KCNMA1: variants seen among roughly 807,000 people sequenced by gnomAD.
KCNMA1 encodes the protein Calcium-activated potassium channel subunit alpha-1.
In KCNMA1, 29 loss-of-function variants were observed where a neutral mutation model predicts 140.0. The observed-to-expected ratio is 0.21, with a 90% CI of 0.15 to 0.28. The LOEUF is 0.28. Ranked by LOEUF, KCNMA1 falls within the 10% of genes least tolerant of loss-of-function variation. The pLI, the probability that KCNMA1 is intolerant of heterozygous loss-of-function variation, is 1.00. For synonymous variants in KCNMA1, 612 were observed against 611.9 expected (o/e 1.00, Z 0.00); for missense variants, 880 against 1,602.2 (o/e 0.55, Z 7.70).
At chr10:77,505,433 A>C (rs2045470695) in intron 1 of KCNMA1, among the ~76,000 whole-genome samples, 1 of 152,188 alleles carries the variant, frequency 6.6e-6, no homozygotes, top group Admixed American at 6.5e-5. Context: ...TATTCCAAAA[A>C]CCCTAACAGA....
intron 14 of KCNMA1, among the ~76,000 whole-genome samples, chr10:77,054,650 G>A (rs1056566154): frequency 5.3e-5 from 8 of 152,142 alleles, no homozygotes; most frequent in South Asian, 2.1e-4. Flanking sequence ...GTATTTCTCC[G>A]AACATGAAAC....
In KCNMA1 at chr10:77,510,717, G is replaced by C. The variant is rs1308678149; in HGVS notation, c.379-106694C>G. Among the ~76,000 whole-genome samples the C allele has an allele frequency of 3.6e-4, 55 of 151,946 alleles. 1 individual carries two copies. Among genetic ancestry groups the C allele is most frequent in the Admixed American group, 3.6e-3 (55 of 15,260 alleles). The stretch of plus-strand genomic sequence containing the variant: ...GGAGCCTGAGGCAGGAGGATCACTT[G>C]AGCCCAGGAATTCAAGGCTGCAGCG... On this transcript the variant is annotated intron_variant, in intron 1 of 27. Coordinates refer to ENST00000286628, the MANE Select transcript of KCNMA1 (RefSeq NM_001161352.2).
intron 1 of KCNMA1, among the ~76,000 whole-genome samples, chr10:77,495,288 T>C (rs2041480590): frequency 6.6e-6 from 1 of 152,210 alleles, no homozygotes; most frequent in East Asian, 1.9e-4. Flanking sequence ...CAGGCCTTTG[T>C]GGCCTCCCGC....
chr10:77,617,998 G>C (rs1406365174), intron 1 of KCNMA1, among the ~76,000 whole-genome samples: 1 of 152,148 alleles, frequency 6.6e-6, no homozygotes, highest in Non-Finnish European at 1.5e-5. Context: ...ATGTGATCAA[G>C]TTCTGGCCAA....
intron 1 of KCNMA1, among the ~76,000 whole-genome samples, chr10:77,445,826 C>T (rs1166183945): frequency 6.6e-6 from 1 of 152,218 alleles, no homozygotes; most frequent in Admixed American, 6.5e-5. Context: ...GCCGCTCTAT[C>T]TCTCCTCCTC....
chr10:77,128,496 T>C (rs930792151), intron 5 of KCNMA1, among the ~76,000 whole-genome samples: 3 of 151,860 alleles, frequency 2.0e-5, no homozygotes, highest in African/African-American at 7.3e-5. Context: ...GGGAAACTTT[T>C]AGAATTGTTG....
At chr10:77,234,589 A>T (rs2054755794) in intron 3 of KCNMA1, among the ~76,000 whole-genome samples, 1 of 152,240 alleles carries the variant, frequency 6.6e-6, no homozygotes, top group Non-Finnish European at 1.5e-5. Flanking sequence ...TGTAATCCAT[A>T]CTGAAAATTA....
intron 1 of KCNMA1, among the ~76,000 whole-genome samples, chr10:77,549,735 G>A (rs758695404): frequency 1.8e-4 from 27 of 152,108 alleles, no homozygotes; most frequent in Non-Finnish European, 2.9e-4. Context: ...GACTCTCAAC[G>A]CAACATAGAC....
At chr10:77,213,005 T>G (rs75720606) in intron 3 of KCNMA1, among the ~76,000 whole-genome samples, 1 of 152,178 alleles carries the variant, frequency 6.6e-6, no homozygotes, top group African/African-American at 2.4e-5. Flanking sequence ...GACGTATGCA[T>G]AGTTCTGGAT....
chr10:76,952,390 C>T (rs1444092230), intron 21 of KCNMA1, among the ~76,000 whole-genome samples: 3 of 151,962 alleles, frequency 2.0e-5, no homozygotes, highest in Non-Finnish European at 2.9e-5. Flanking sequence ...TATGGTGGCG[C>T]GAACCTATAG....
intron 2 of KCNMA1, among the ~76,000 whole-genome samples, chr10:77,350,062 C>A (rs1290844168): frequency 6.6e-6 from 1 of 152,070 alleles, no homozygotes; most frequent in African/African-American, 2.4e-5. Context: ...CCACACCCGG[C>A]TAATTTTTGT....
chr10:77,344,228 G>A (rs1016637821), intron 2 of KCNMA1, among the ~76,000 whole-genome samples: 3 of 152,214 alleles, frequency 2.0e-5, no homozygotes, highest in East Asian at 1.9e-4. Flanking sequence ...GCAGAGTTGC[G>A]TGAGGGCTCA....
intron 5 of KCNMA1, among the ~76,000 whole-genome samples, chr10:77,175,653 T>C (rs1008350534): frequency 6.6e-6 from 1 of 152,132 alleles, no homozygotes; most frequent in African/African-American, 2.4e-5. Flanking sequence ...TTCATTCCAA[T>C]GGATGAGAAT....
chr10:77,243,888 A>T (rs1183612505), intron 3 of KCNMA1, among the ~76,000 whole-genome samples: 5 of 152,126 alleles, frequency 3.3e-5, no homozygotes, highest in African/African-American at 4.8e-5. Context: ...AGGGTCATAA[A>T]ATCAAGGAAT....
chr10:76,984,713 G>A (rs983410733), intron 19 of KCNMA1, among the ~76,000 whole-genome samples: 1 of 94,342 alleles, frequency 1.1e-5, no homozygotes, highest in Non-Finnish European at 2.5e-5. Flanking sequence ...TCTCAGTGCT[G>A]AATCCAGTAT....
chr10:77,219,192 C>G (rs964796143), intron 3 of KCNMA1, among the ~76,000 whole-genome samples: 5 of 152,142 alleles, frequency 3.3e-5, no homozygotes, highest in African/African-American at 4.8e-5. Flanking sequence ...ACCCTTTAGA[C>G]CACAGGGCTT....
intron 2 of KCNMA1, among the ~76,000 whole-genome samples, chr10:77,317,394 A>C (rs2081168705): frequency 6.6e-6 from 1 of 152,202 alleles, no homozygotes. Context: ...TTGTGGTTAC[A>C]TTCCAGACTG....
chr10:77,306,934 C>T (rs2077909004), intron 2 of KCNMA1, among the ~76,000 whole-genome samples: 1 of 152,166 alleles, frequency 6.6e-6, no homozygotes, highest in African/African-American at 2.4e-5. Flanking sequence ...TCTCATTAGC[C>T]AAGGTCAATA....
intron 1 of KCNMA1, among the ~76,000 whole-genome samples, chr10:77,459,728 G>T (rs2097825849): frequency 6.6e-6 from 1 of 152,146 alleles, no homozygotes; most frequent in Non-Finnish European, 1.5e-5. Context: ...TCCTCCCAGG[G>T]GCCCGCTCTT....
Sources: gnomAD v4.1 joint callset for allele counts (sites outside exome capture counted in the v4.1 genomes callset) on GRCh38, gnomAD v4.1.1 for gene constraint, MANE v1.5 for transcripts, NCBI Gene and HGNC (gene_info 2026-07-23, HGNC 2026-07-21) for gene names.